The following TMEM178B variants were observed in gnomAD, a reference collection of about 807,000 sequenced individuals.
The protein encoded by TMEM178B is transmembrane protein 178B.
A neutral mutation model predicts 31.0 loss-of-function variants in TMEM178B; 5 were observed. That is an observed-to-expected ratio of 0.16 (90% confidence interval 0.08 to 0.34). The LOEUF (loss-of-function observed/expected upper bound fraction) is 0.34. Ranked by LOEUF, TMEM178B falls within the 10% of genes least tolerant of loss-of-function variation. TMEM178B has a pLI of 1.00. For synonymous variants in TMEM178B, 164 were observed against 164.0 expected (o/e 1.00, Z 0.00); for missense variants, 275 against 400.3 (o/e 0.69, Z 2.67).
chr7:141,422,967 C>T lies in TMEM178B; in HGVS notation c.497-14641C>T, dbSNP rs867796111. Among the ~76,000 whole-genome samples, 13 of 152,154 alleles carry T rather than the reference C, an allele frequency of 8.5e-5. No individual in the cohort carries two copies. The highest frequency in any genetic ancestry group is 6.5e-4 in the Admixed American group (10 of 15,282). ...TGTCCCATGGAAATATCGTGCAAAC[C>T]GCATGTGTAACTTAAAATGTTCTAT... On this transcript the variant is annotated intron_variant, in intron 2 of 3. Coordinates refer to ENST00000565468, the MANE Select transcript of TMEM178B (RefSeq NM_001195278.2). The surrounding 1 kb of genome is among the most constrained non-coding windows in gnomAD (Gnocchi z 4.2).
intron 2 of TMEM178B, among the ~76,000 whole-genome samples, chr7:141,291,460 A>G (rs1319364712): frequency 6.6e-6 from 1 of 152,194 alleles, no homozygotes; most frequent in Admixed American, 6.5e-5. Context: ...GTGAGAACAC[A>G]TAATGTCTAC....
At chr7:141,365,385 A>G (rs1427791141) in intron 2 of TMEM178B, among the ~76,000 whole-genome samples, 2 of 152,176 alleles carry the variant, frequency 1.3e-5, no homozygotes, top group Non-Finnish European at 2.9e-5. Flanking sequence ...GTGCTGTGAG[A>G]TGGTGGCCAC....
intron 2 of TMEM178B, among the ~76,000 whole-genome samples, chr7:141,373,093 A>T (rs1489100782): frequency 2.0e-5 from 3 of 152,174 alleles, no homozygotes. Context: ...CTTTATATAA[A>T]AATAGAGTTA....
At chr7:141,377,159 G>GTATTTATTTATTTATTTATT (rs199852618) in intron 2 of TMEM178B, among the ~76,000 whole-genome samples, 8 of 145,172 alleles carry the variant, frequency 5.5e-5, no homozygotes, top group South Asian at 2.3e-4. Flanking sequence ...GGCTACTTCT[G>GTATTTATTTATTTATTTATT]TATTTATTTA....
At chr7:141,504,518 A>G in the TMEM178B span, among the ~76,000 whole-genome samples, 1 of 152,190 alleles carries the variant, frequency 6.6e-6, no homozygotes. Context: ...TATATGAGAG[A>G]AGTGTTCGTA....
At chr7:141,328,450 T>C (rs986890123) in intron 2 of TMEM178B, among the ~76,000 whole-genome samples, 1 of 152,080 alleles carries the variant, frequency 6.6e-6, no homozygotes, top group Non-Finnish European at 1.5e-5. Context: ...AAAAGTCACT[T>C]TGATGTGGTT....
intron 2 of TMEM178B, among the ~76,000 whole-genome samples, chr7:141,214,206 G>A (rs1415790465): frequency 6.6e-6 from 1 of 152,216 alleles, no homozygotes; most frequent in Non-Finnish European, 1.5e-5. Flanking sequence ...GTTCAAGATT[G>A]ATAAGTCCTG....
intron 2 of TMEM178B, among the ~76,000 whole-genome samples, chr7:141,417,004 A>G (rs755179934): frequency 2.0e-5 from 3 of 152,246 alleles, no homozygotes; most frequent in African/African-American, 4.8e-5. Context: ...AAGCAAAGCC[A>G]TTAGACATCA....
At position 141,312,020 on chromosome 7, in the gene TMEM178B, C is replaced by T. The variant is rs1054675724; in HGVS notation, c.496+99316C>T. Among the ~76,000 whole-genome samples the T allele has an allele frequency of 2.0e-5, 3 of 152,346 alleles. 1 individual carries two copies. Among genetic ancestry groups the T allele is most frequent in the South Asian group, 4.1e-4 (2 of 4,826 alleles). On this transcript the variant is annotated intron_variant, in intron 2 of 3. Coordinates refer to ENST00000565468, the MANE Select transcript of TMEM178B (RefSeq NM_001195278.2). ...GAAAGAGAGAAAGATGACTTCTCTA[C>T]TTTCTGCCATCCCTACCTCAAGGTG...
chr7:141,311,281 A>T (rs1337114847), intron 2 of TMEM178B, among the ~76,000 whole-genome samples: 1 of 152,246 alleles, frequency 6.6e-6, no homozygotes, highest in East Asian at 1.9e-4. Context: ...CACATCCTGC[A>T]CATGTATCCT....
intron 1 of TMEM178B, among the ~76,000 whole-genome samples, chr7:141,197,983 T>C (rs1178275015): frequency 5.3e-5 from 8 of 152,212 alleles, no homozygotes; most frequent in Admixed American, 6.5e-5. Flanking sequence ...AAGAGGAAAA[T>C]AGTCAATCAT....
chr7:141,195,917 G>A (rs968125745), intron 1 of TMEM178B, among the ~76,000 whole-genome samples: 10 of 152,124 alleles, frequency 6.6e-5, no homozygotes, highest in Non-Finnish European at 8.8e-5. Flanking sequence ...AATCTCATGA[G>A]ACTTACTCAC....
At chr7:141,135,493 C>T (rs1041694988) in intron 1 of TMEM178B, among the ~76,000 whole-genome samples, 1 of 152,172 alleles carries the variant, frequency 6.6e-6, no homozygotes, top group Admixed American at 6.5e-5. Context: ...CAAACCAAGT[C>T]TCAATAAATT....
chr7:141,451,112 A>G (rs1383360087), intron 3 of TMEM178B, among the ~76,000 whole-genome samples: 3 of 152,194 alleles, frequency 2.0e-5, no homozygotes, highest in African/African-American at 7.2e-5. Context: ...AGACAGGTCA[A>G]GAAGGCAAAA....
intron 2 of TMEM178B, chr7:141,415,181 A>C (rs1417979888): frequency 6.6e-6 from 1 of 152,382 alleles, no homozygotes; most frequent in Non-Finnish European, 1.5e-5. Flanking sequence ...TGTGCACTTC[A>C]CTCTGACAGA....
At chr7:141,222,796 G>A (rs1176302174) in intron 2 of TMEM178B, among the ~76,000 whole-genome samples, 1 of 152,196 alleles carries the variant, frequency 6.6e-6, no homozygotes, top group African/African-American at 2.4e-5. Context: ...TTACAATGTA[G>A]GAGTAGAAAG....
At chr7:141,486,632 C>T in the TMEM178B span, among the ~76,000 whole-genome samples, 2 of 152,112 alleles carry the variant, frequency 1.3e-5, no homozygotes, top group Non-Finnish European at 2.9e-5. Flanking sequence ...AAGTAATTCT[C>T]CCCCTCCATG....
chr7:141,443,113 T>C (rs1391589494), intron 3 of TMEM178B, among the ~76,000 whole-genome samples: 1 of 152,228 alleles, frequency 6.6e-6, no homozygotes, highest in African/African-American at 2.4e-5. Flanking sequence ...CTCTGTTTGT[T>C]TGATTTTTAA....
chr7:141,140,714 G>A (rs1318127881), intron 1 of TMEM178B, among the ~76,000 whole-genome samples: 1 of 152,144 alleles, frequency 6.6e-6, no homozygotes, highest in Non-Finnish European at 1.5e-5. Flanking sequence ...GACTTTGACG[G>A]TTTTGAGGAG....
Sources: allele counts gnomAD v4.1 joint callset (sites outside exome capture counted in the v4.1 genomes callset), GRCh38; gene constraint gnomAD v4.1.1; non-coding constraint Gnocchi (gnomAD v3.1); transcripts MANE v1.5; gene names NCBI Gene and HGNC (gene_info 2026-07-23, HGNC 2026-07-21).